Variants in GOLPH3 observed in about 807,000 individuals in gnomAD.
GOLPH3 encodes golgi phosphoprotein 3, also known as coat protein GPP34.
A neutral mutation model predicts 28.5 loss-of-function variants in GOLPH3; 14 were observed. The ratio of observed to expected loss-of-function variants is 0.49; its 90% CI spans 0.32 to 0.77. The LOEUF (loss-of-function observed/expected upper bound fraction) is 0.77. GOLPH3 is among the 30% of genes least tolerant of loss of function. The probability of loss-of-function intolerance (pLI) is 0.03; values close to 1 mark genes in which losing one functional copy is unlikely to be tolerated. For synonymous variants in GOLPH3, 158 were observed against 159.2 expected (o/e 0.99, Z 0.06); for missense variants, 350 against 393.7 (o/e 0.89, Z 0.94).
At chr5:32,156,008 A>AACAG (rs1348376658) in intron 1 of GOLPH3, among the ~76,000 whole-genome samples, 1 of 143,496 alleles carries the variant, frequency 7.0e-6, no homozygotes, top group Non-Finnish European at 1.5e-5. Context: ...TCTAACCCCC[A>AACAG]ACAGGGTCTC....
chr5:32,171,934 G>A (rs1746845952), intron 1 of GOLPH3, among the ~76,000 whole-genome samples: 1 of 151,548 alleles, frequency 6.6e-6, no homozygotes, highest in South Asian at 2.1e-4. Flanking sequence ...GGGCGACAGA[G>A]CGAGATTCCG....
Position 32,174,159 on chromosome 5 carries a change from T to C in GOLPH3, c.-125A>G, listed in dbSNP as rs1581562873. Reference sequence around the variant, plus strand: ...AATCCGGACGCCGGGGCGACGTCCGTCGGCAGCAGGGCCGGGGGCAGTCAT... The same window carrying C: ...AATCCGGACGCCGGGGCGACGTCCGCCGGCAGCAGGGCCGGGGGCAGTCAT... On this transcript the variant is annotated 5_prime_UTR_variant, in exon 1 of 4. Coordinates refer to ENST00000265070, the MANE Select transcript of GOLPH3 (RefSeq NM_022130.4). 3.7e-5 allele frequency: 21 copies of C among 560,630 alleles called. No individual in the cohort carries two copies. In the South Asian group the frequency reaches 1.2e-3, roughly 33 times the overall value. The allele number at this position is 560,630 out of a possible 1,614,324, so 34.7% of individuals were successfully genotyped here. A position where few individuals can be genotyped will look rare whatever the true frequency, so the allele number is the denominator to read the frequency against.
In GOLPH3 at chr5:32,128,311, T is replaced by G. The variant is rs374710909; in HGVS notation, c.473-1675A>C. Among the ~76,000 whole-genome samples, 15 of 152,236 alleles carry G rather than the reference T, an allele frequency of 9.9e-5. No individual in the cohort carries two copies. The East Asian group carries it at 2.9e-3, about 29-fold the overall frequency. On this transcript the variant is annotated intron_variant, in intron 3 of 3. Coordinates refer to ENST00000265070, the MANE Select transcript of GOLPH3 (RefSeq NM_022130.4). ...GAATACTAGAAAATTCACATCTTAG[T>G]AGTAGGGCTAAACCAGTCCTAGAGT...
chr5:32,136,545 T>G (rs1581539514), intron 2 of GOLPH3, among the ~76,000 whole-genome samples: 1 of 151,872 alleles, frequency 6.6e-6, no homozygotes, highest in East Asian at 1.9e-4. Flanking sequence ...CAGTTTATAC[T>G]CACTGACTCA....
rs1048005053 is a variant in GOLPH3, at chr5:32,126,051, G to A, written c.*161C>T. 5.9e-6 allele frequency: 4 copies of A among 682,936 alleles called. No individual in the cohort carries two copies. Among genetic ancestry groups the A allele is most frequent in the African/African-American group, 5.4e-5 (3 of 55,328 alleles). The allele number at this position is 682,936 out of a possible 1,614,324, so 42.3% of individuals were successfully genotyped here. The stretch of plus-strand genomic sequence containing the variant: ...AAGAGGAAGGCCTCTCGTACCAGCA[G>A]AATCCTGTACACGTACAAAAAAGAA... On this transcript the variant is annotated 3_prime_UTR_variant, in exon 4 of 4. Coordinates refer to ENST00000265070, the MANE Select transcript of GOLPH3 (RefSeq NM_022130.4).
chr5:32,129,731 C>T (rs1199561429), intron 3 of GOLPH3, among the ~76,000 whole-genome samples: 1 of 152,094 alleles, frequency 6.6e-6, no homozygotes, highest in Non-Finnish European at 1.5e-5. Context: ...CCACATCCTA[C>T]GAAAGGGAGA....
intron 2 of GOLPH3, among the ~76,000 whole-genome samples, chr5:32,138,212 C>T (rs1745977894): frequency 6.6e-6 from 1 of 152,194 alleles, no homozygotes; most frequent in South Asian, 2.1e-4. Context: ...AATTTAACAT[C>T]ACTTTTAAAA....
intron 1 of GOLPH3, among the ~76,000 whole-genome samples, chr5:32,163,809 T>C (rs1378900983): frequency 6.6e-6 from 1 of 152,156 alleles, no homozygotes; most frequent in African/African-American, 2.4e-5. Context: ...CAACATGGTA[T>C]AGACAAAAAT....
intron 1 of GOLPH3, among the ~76,000 whole-genome samples, chr5:32,167,205 C>CT (rs1446155663): frequency 6.6e-6 from 1 of 152,150 alleles, no homozygotes; most frequent in Non-Finnish European, 1.5e-5. Context: ...GAGTTCCACT[C>CT]TTGTCGCCCA....
At chr5:32,170,271 G>A (rs1311901958) in intron 1 of GOLPH3, among the ~76,000 whole-genome samples, 2 of 152,162 alleles carry the variant, frequency 1.3e-5, no homozygotes, top group East Asian at 1.9e-4. Context: ...TTAAGCCAGT[G>A]GTTACCCCTG....
intron 2 of GOLPH3, among the ~76,000 whole-genome samples, chr5:32,143,101 C>T (rs924696558): frequency 1.1e-4 from 16 of 152,226 alleles, no homozygotes; most frequent in Non-Finnish European, 2.2e-4. Flanking sequence ...TTTTGTTCTA[C>T]ACTAAGAAAA....
intron 1 of GOLPH3, among the ~76,000 whole-genome samples, chr5:32,146,290 CAA>C (rs11290084): frequency 1.6e-3 from 228 of 142,964 alleles, no homozygotes; most frequent in Admixed American, 1.9e-3. Context: ...GACCCTATCT[CAA>C]AAAAAAAAAA....
At chr5:32,128,959 C>T (rs1051055998) in intron 3 of GOLPH3, among the ~76,000 whole-genome samples, 24 of 151,894 alleles carry the variant, frequency 1.6e-4, no homozygotes, top group African/African-American at 5.6e-4. Context: ...CCAGGCATGG[C>T]GGGTTACGCT....
At chr5:32,165,985 AAAAC>A (rs1267947959) in intron 1 of GOLPH3, among the ~76,000 whole-genome samples, 2 of 152,238 alleles carry the variant, frequency 1.3e-5, no homozygotes, top group African/African-American at 4.8e-5. Flanking sequence ...ACCTTAAGCT[AAAAC>A]AAACAGTTCC....
Position 32,174,166 on chromosome 5 carries a change from C to T in GOLPH3, c.-132G>A, listed in dbSNP as rs967981952. On this transcript the variant is annotated 5_prime_UTR_variant, in exon 1 of 4. Transcript: ENST00000265070. ...ACGCCGGGGCGACGTCCGTCGGCAGCAGGGCCGGGGGCAGTCATGAGGAAA... is the reference window on the plus strand; with the variant it reads ...ACGCCGGGGCGACGTCCGTCGGCAGTAGGGCCGGGGGCAGTCATGAGGAAA... 17 of 516,974 alleles carry T rather than the reference C, an allele frequency of 3.3e-5. No homozygotes were observed. The highest frequency in any genetic ancestry group is 4.4e-5 in the Non-Finnish European group (15 of 338,220). The allele number at this position is 516,974 out of a possible 1,614,324, so 32.0% of individuals were successfully genotyped here.
chr5:32,171,644 G>T (rs1581561191), intron 1 of GOLPH3, among the ~76,000 whole-genome samples: 3 of 149,668 alleles, frequency 2.0e-5, no homozygotes, highest in African/African-American at 7.4e-5. Context: ...TGTTATTTTT[G>T]TCCAAAAAGA....
intron 1 of GOLPH3, among the ~76,000 whole-genome samples, chr5:32,167,754 T>C (rs1464402925): frequency 6.7e-6 from 1 of 150,060 alleles, no homozygotes; most frequent in Non-Finnish European, 1.5e-5. Context: ...AGTTCGAGAC[T>C]AGGCAACATA....
At chr5:32,134,750 T>G (rs1396330436) in intron 3 of GOLPH3, 1 of 152,116 alleles carries the variant, frequency 6.6e-6, no homozygotes, top group Non-Finnish European at 1.5e-5. Context: ...CTGGTCCAAG[T>G]ACAGCAGTTA....
In GOLPH3 at chr5:32,173,969, G is replaced by T; in HGVS notation, c.66C>A (p.Ala22=). The T allele has an allele frequency of 7.1e-7, 1 of 1,403,730 alleles. No individual in the cohort carries two copies. The highest frequency in any genetic ancestry group is 1.6e-5 in the South Asian group (1 of 64,282). The allele number at this position is 1,403,730 out of a possible 1,614,324, so 87.0% of individuals were successfully genotyped here. ...CGCCCGCCGCCCGCTCCTTGTCGGC[G>T]GCGTTGCGGGAGGCCTCGGTGCGCC... ...VQRRTEASRN[A]ADKERAAGGG... is the part of the protein sequence containing the mutation. The change falls in exon 1 of 4, where the codon GCC becomes GCA. Residue 22 remains alanine, a synonymous_variant. Transcript: ENST00000265070.
Sources: gnomAD v4.1 joint callset for allele counts (sites outside exome capture counted in the v4.1 genomes callset) on GRCh38, gnomAD v4.1.1 for gene constraint, MANE v1.5 for transcripts, NCBI Gene and HGNC (gene_info 2026-07-23, HGNC 2026-07-21) for gene names.